Variants in ATP1B3 observed in about 807,000 individuals in gnomAD.
The protein encoded by ATP1B3 is ATPase Na+/K+ transporting subunit beta 3.
ATP1B3 carries 10 observed loss-of-function variants against 30.2 expected under a neutral mutation model. The ratio of observed to expected loss-of-function variants is 0.33; its 90% CI spans 0.20 to 0.56. The LOEUF is 0.56. Among genes scored for constraint, ATP1B3 ranks in the 20% least tolerant of loss-of-function variants. The pLI is 0.90. For synonymous variants in ATP1B3, 113 were observed against 117.0 expected (o/e 0.97, Z 0.22); for missense variants, 238 against 336.7 (o/e 0.71, Z 2.29).
intron 5 of ATP1B3, among the ~76,000 whole-genome samples, chr3:141,920,334 C>T (rs933417582): frequency 2.0e-5 from 3 of 152,074 alleles, no homozygotes; most frequent in African/African-American, 7.2e-5. Flanking sequence ...TGAGACCAGC[C>T]TGGCCAACAT....
At chr3:141,885,429 TTTTTCTTTTC>T (rs1559864813) in intron 1 of ATP1B3, among the ~76,000 whole-genome samples, 2 of 151,872 alleles carry the variant, frequency 1.3e-5, no homozygotes, top group African/African-American at 4.8e-5. Flanking sequence ...TGCCTTTTCT[TTTTTCTTTTC>T]TTTTCTTTTT....
chr3:141,919,363 C>G (rs1934525532), intron 5 of ATP1B3, among the ~76,000 whole-genome samples: 1 of 151,982 alleles, frequency 6.6e-6, no homozygotes. Context: ...GCAATCCACC[C>G]ACCTCCGCCT....
At chr3:141,886,126 T>C (rs1210351705) in intron 1 of ATP1B3, among the ~76,000 whole-genome samples, 2 of 152,212 alleles carry the variant, frequency 1.3e-5, no homozygotes, top group East Asian at 3.8e-4. Context: ...CCAGAAAGTT[T>C]AGGTAAGTTC....
chr3:141,892,467 T>G (rs1480916449), intron 1 of ATP1B3, among the ~76,000 whole-genome samples: 1 of 152,108 alleles, frequency 6.6e-6, no homozygotes, highest in Admixed American at 6.6e-5. Context: ...AAATTATTCC[T>G]GCCATATTAT....
chr3:141,906,767 A>C (rs1480863983), intron 2 of ATP1B3, among the ~76,000 whole-genome samples: 1 of 152,256 alleles, frequency 6.6e-6, no homozygotes, highest in Non-Finnish European at 1.5e-5. Flanking sequence ...CATACAATTT[A>C]AATGACAAAA....
At chr3:141,924,661 A>T (rs964741788) in intron 6 of ATP1B3, among the ~76,000 whole-genome samples, 1 of 152,080 alleles carries the variant, frequency 6.6e-6, no homozygotes, top group Non-Finnish European at 1.5e-5. Context: ...ATATTAAAAA[A>T]TAATGATAAG....
intron 1 of ATP1B3, among the ~76,000 whole-genome samples, chr3:141,882,283 A>G (rs1933742560): frequency 1.3e-5 from 2 of 152,224 alleles, no homozygotes; most frequent in African/African-American, 4.8e-5. Context: ...TTGGTTTTGA[A>G]GAAAAGTCAC....
rs142270986 is a variant in ATP1B3, at chr3:141,905,889, C to T, written c.239-1278C>T. On this transcript the variant is annotated intron_variant, in intron 2 of 6. Transcript: ENST00000286371. ...AACTGAGTTTCTTAAAATTATTTGTCGATTATTTTAGTACTTAAAGTATCA... is the reference window on the plus strand; with the variant it reads ...AACTGAGTTTCTTAAAATTATTTGTTGATTATTTTAGTACTTAAAGTATCA... 8.5e-3 allele frequency among the ~76,000 whole-genome samples: 1,287 copies of T among 151,636 alleles called. 22 individuals are homozygous for T. The highest frequency in any genetic ancestry group is 0.029 in the African/African-American group (1,212 of 41,334).
Position 141,890,132 on chromosome 3 carries a change from C to G in ATP1B3, c.109+13222C>G, listed in dbSNP as rs866418341. Among the ~76,000 whole-genome samples, 52 of 136,138 alleles carry G rather than the reference C, an allele frequency of 3.8e-4. No individual in the cohort carries two copies. The Middle Eastern group carries it at 0.019, about 49-fold the overall frequency. 89.3% of individuals were successfully genotyped at this position (136,138 alleles called of 152,430 possible). ...TTGAGACAGAGTGTGGCTCGGTCAC[C>G]CTGGCTGGAGTGCAGTGGCATGGTC... is the stretch of plus-strand genomic sequence containing the variant. On this transcript the variant is annotated intron_variant, in intron 1 of 6. Coordinates refer to ENST00000286371, the MANE Select transcript of ATP1B3 (RefSeq NM_001679.4).
At chr3:141,899,665 T>A (rs1332736955) in intron 1 of ATP1B3, among the ~76,000 whole-genome samples, 4 of 152,050 alleles carry the variant, frequency 2.6e-5, no homozygotes, top group Non-Finnish European at 5.9e-5. Flanking sequence ...AGGTCAGGAG[T>A]TCGAGACCAG....
intron 1 of ATP1B3, among the ~76,000 whole-genome samples, chr3:141,889,796 C>T (rs901691863): frequency 7.5e-5 from 9 of 120,354 alleles, no homozygotes; most frequent in East Asian, 2.6e-4. Flanking sequence ...CACACACACA[C>T]GTATATCTAC....
At chr3:141,912,376 T>C (rs1934381078) in intron 3 of ATP1B3, among the ~76,000 whole-genome samples, 1 of 152,114 alleles carries the variant, frequency 6.6e-6, no homozygotes, top group African/African-American at 2.4e-5. Context: ...CCTGCCTCAG[T>C]AGAATCCGAG....
chr3:141,903,557 G>A, intron 1 of ATP1B3, 63 bp from the exon 2 acceptor site: 1 of 1,596,814 alleles, frequency 6.3e-7, no homozygotes, highest in Non-Finnish European at 8.5e-7. Context: ...TTTTAACCTG[G>A]CCAAACATGC....
chr3:141,881,442 C>T (rs1933724326), intron 1 of ATP1B3, among the ~76,000 whole-genome samples: 1 of 152,148 alleles, frequency 6.6e-6, no homozygotes, highest in South Asian at 2.1e-4. Context: ...ACTATAGTTC[C>T]ATGAAGTGCC....
chr3:141,913,503 G>A, intron 3 of ATP1B3, 149 bp from the exon 4 acceptor site: 1 of 626,654 alleles, frequency 1.6e-6, no homozygotes, highest in Non-Finnish European at 2.6e-6. Flanking sequence ...AGGTAAAGGG[G>A]CAAACTTAAC....
intron 1 of ATP1B3, among the ~76,000 whole-genome samples, chr3:141,889,496 G>A (rs944770969): frequency 4.6e-5 from 7 of 151,786 alleles, no homozygotes; most frequent in Admixed American, 1.3e-4. Context: ...TTGGGAGGCC[G>A]AGGCAGGCGG....
intron 1 of ATP1B3, among the ~76,000 whole-genome samples, chr3:141,883,794 A>G (rs1236350538): frequency 6.6e-6 from 1 of 152,194 alleles, no homozygotes; most frequent in Non-Finnish European, 1.5e-5. Context: ...TACCCATAGT[A>G]TAATTGTCCC....
At chr3:141,881,048 CA>C (rs1933713516) in intron 1 of ATP1B3, among the ~76,000 whole-genome samples, 3 of 151,974 alleles carry the variant, frequency 2.0e-5, no homozygotes, top group Non-Finnish European at 2.9e-5. Flanking sequence ...ACTTAAAGTA[CA>C]AAAATTAGCC....
At chr3:141,900,375 A>G (rs776234410) in intron 1 of ATP1B3, among the ~76,000 whole-genome samples, 8 of 152,182 alleles carry the variant, frequency 5.3e-5, no homozygotes, top group Non-Finnish European at 1.0e-4. Flanking sequence ...AGGTTAGGAA[A>G]CACATGTGCT....
Sources: gnomAD v4.1 joint callset for allele counts (sites outside exome capture counted in the v4.1 genomes callset) on GRCh38, gnomAD v4.1.1 for gene constraint, MANE v1.5 for transcripts, NCBI Gene and HGNC (gene_info 2026-07-23, HGNC 2026-07-21) for gene names.